Variants in BRF1 observed in about 807,000 individuals in gnomAD.
BRF1 encodes the protein BRF1 general transcription factor IIIB subunit.
BRF1 carries 59 observed loss-of-function variants against 81.7 expected under a neutral mutation model. The observed-to-expected ratio is 0.72, with a 90% CI of 0.59 to 0.90. BRF1 has a LOEUF of 0.90. Among genes scored for constraint, BRF1 ranks in the 40% least tolerant of loss-of-function variants. BRF1 has a pLI of 0.00. For missense variants in BRF1, 1,050 were observed against 936.3 expected (o/e 1.12, Z -1.58); for synonymous variants, 491 against 395.6 (o/e 1.24, Z -2.86).
chr14:105,279,912 G>T (rs1163900102), intron 2 of BRF1, among the ~76,000 whole-genome samples: 1 of 152,240 alleles, frequency 6.6e-6, no homozygotes, highest in Non-Finnish European at 1.5e-5. Context: ...GCACGTTCTA[G>T]AACGGCTCCA....
In BRF1 at chr14:105,229,001, G is replaced by C. The variant is rs12431703; in HGVS notation, c.695-88C>G. 7,713 of 1,212,490 alleles carry C rather than the reference G, an allele frequency of 6.4e-3. 436 individuals carry two copies. In the Admixed American group the frequency reaches 0.1, roughly 16 times the overall value. 75.1% of individuals were successfully genotyped at this position (1,212,490 alleles called of 1,614,324 possible). ...GCCCAGGACAACACTGCGGATCCCG[G>C]TCACGGAGATGATGGCCTGAGAAGA... On this transcript the variant is annotated intron_variant, in intron 6 of 17. Transcript: ENST00000547530.
intron 1 of BRF1, among the ~76,000 whole-genome samples, chr14:105,289,198 C>T (rs587661552): frequency 6.7e-4 from 101 of 151,826 alleles, no homozygotes; most frequent in African/African-American, 2.3e-3. Context: ...AAAAAATGAG[C>T]GGGGTATGGT....
chr14:105,248,983 CCGCGCCAG>C (rs2055367948), intron 5 of BRF1: 1 of 986,266 alleles, frequency 1.0e-6, no homozygotes, highest in African/African-American at 1.8e-5. Context: ...CCCAGCGCCC[CCGCGCCAG>C]CGCCGCCGCC....
At chr14:105,286,403 G>C (rs776683677) in intron 1 of BRF1, 27 bp from the exon 2 acceptor site, 8 of 1,600,970 alleles carry the variant, frequency 5.0e-6, no homozygotes, top group Non-Finnish European at 6.8e-6. Context: ...AGACAGATCA[G>C]CCAAAACTTG....
intron 15 of BRF1, among the ~76,000 whole-genome samples, chr14:105,215,223 C>T (rs1374666080): frequency 2.0e-5 from 3 of 151,826 alleles, no homozygotes; most frequent in Admixed American, 6.6e-5. Context: ...CACACACACA[C>T]GCCCCACGCA....
intron 6 of BRF1, among the ~76,000 whole-genome samples, chr14:105,229,664 C>T (rs60291663): frequency 0.034 from 4,833 of 141,826 alleles, 42 homozygotes; most frequent in African/African-American, 0.048. Context: ...CTGGCAGCCC[C>T]GTGGCACCCT....
intron 12 of BRF1, 47 bp downstream of exon 12, chr14:105,220,022 C>T (rs778540099): frequency 1.2e-5 from 19 of 1,601,950 alleles, no homozygotes; most frequent in Middle Eastern, 1.7e-4. Context: ...TGGGCTGCAG[C>T]GCCCTCCCAA....
chr14:105,241,830 A>G lies in BRF1; in HGVS notation c.545-416T>C, dbSNP rs925260640. On this transcript the variant is annotated intron_variant, in intron 5 of 17. Coordinates refer to ENST00000547530, the MANE Select transcript of BRF1 (RefSeq NM_001519.4). ...GTCGCCAGCCGGCCGGCATCAGCTG[A>G]CACTCATGGGTGAGAGGAGGGCCCA... is the stretch of plus-strand genomic sequence containing the variant. The G allele has an allele frequency of 5.7e-5, 13 of 229,140 alleles. No individual in the cohort carries two copies. The South Asian group carries it at 6.8e-4, about 12-fold the overall frequency. The allele number at this position is 229,140 out of a possible 1,614,324, so 14.2% of individuals were successfully genotyped here.
At chr14:105,300,423 C>T (rs2057960854) in intron 1 of BRF1, 23 bp downstream of exon 1, 2 of 1,506,110 alleles carry the variant, frequency 1.3e-6, no homozygotes, top group Non-Finnish European at 1.8e-6. Flanking sequence ...GAAATCCGCG[C>T]AGCGCCAGCC....
rs587607390 is a variant in BRF1, at chr14:105,209,538, G to A, written c.*1013C>T. 32 of 702,566 alleles carry A rather than the reference G, an allele frequency of 4.6e-5. No individual in the cohort carries two copies. The highest frequency in any genetic ancestry group is 3.1e-4 in the African/African-American group (18 of 57,362). 43.5% of individuals were successfully genotyped at this position (702,566 alleles called of 1,614,324 possible). Reference sequence around the variant, plus strand: ...TAAGGACACAGGGTGAAGCCCCCTCGGCCACATCCGGGGCAGCCATGCCAG... The same window carrying A: ...TAAGGACACAGGGTGAAGCCCCCTCAGCCACATCCGGGGCAGCCATGCCAG... On this transcript the variant is annotated 3_prime_UTR_variant, in exon 18 of 18. Coordinates refer to ENST00000547530, the MANE Select transcript of BRF1 (RefSeq NM_001519.4).
chr14:105,285,681 A>C (rs954052734), intron 2 of BRF1, among the ~76,000 whole-genome samples: 7 of 152,334 alleles, frequency 4.6e-5, no homozygotes, highest in African/African-American at 1.2e-4. Context: ...AGAATTTAAA[A>C]CTTTCATGCT....
rs1413370927 is a variant in BRF1, at chr14:105,269,359, A to G, written c.439+3362T>C. On this transcript the variant is annotated intron_variant, in intron 3 of 17. Transcript: ENST00000547530. The surrounding 1 kb of genome is among the most constrained non-coding windows in gnomAD (Gnocchi z 5.0). Reference sequence around the variant, plus strand: ...AGGGGATAGAGTGCGGCCTCCCGTGAGCACAGTCCTGTTCCAAGCTGTCTT... The same window carrying G: ...AGGGGATAGAGTGCGGCCTCCCGTGGGCACAGTCCTGTTCCAAGCTGTCTT... Among the ~76,000 whole-genome samples, 1 of 152,154 alleles carries G rather than the reference A, an allele frequency of 6.6e-6. No homozygotes were observed. The highest frequency in any genetic ancestry group is 1.5e-5 in the Non-Finnish European group (1 of 68,016).
rs2056568338 is a variant in BRF1 at position 105,269,512 on chromosome 14, T to C, written c.439+3209A>G. Reference sequence around the variant, plus strand: ...CACCAGGATCTAATTTTAGAATGCGTGGGGGACACGGGGTGGCTTCCTGGA... The same window carrying C: ...CACCAGGATCTAATTTTAGAATGCGCGGGGGACACGGGGTGGCTTCCTGGA... On this transcript the variant is annotated intron_variant, in intron 3 of 17. Coordinates refer to ENST00000547530, the MANE Select transcript of BRF1 (RefSeq NM_001519.4). The surrounding 1 kb of genome is among the most constrained non-coding windows in gnomAD (Gnocchi z 5.0). Among the ~76,000 whole-genome samples the C allele has an allele frequency of 6.6e-6, 1 of 152,022 alleles. No homozygotes were observed. The highest frequency in any genetic ancestry group is 2.1e-4 in the South Asian group (1 of 4,816).
At chr14:105,229,211 G>A (rs756468658) in intron 6 of BRF1, among the ~76,000 whole-genome samples, 15 of 152,240 alleles carry the variant, frequency 9.9e-5, no homozygotes, top group Non-Finnish European at 2.9e-5. Flanking sequence ...TAAGATGACT[G>A]TGCGGGAAAC....
rs2055417828 is a variant in BRF1 at position 105,249,291 on chromosome 14, C to G, written c.544+3216G>C. On this transcript the variant is annotated intron_variant, in intron 5 of 17. Transcript: ENST00000547530. ...TCTCGGAACGCGTGCCCCGTCCGCC[C>G]CGTCCGCCGTGTGGCTGACACGCAG... The G allele has an allele frequency of 9.6e-6, 15 of 1,570,644 alleles. No individual in the cohort carries two copies. The East Asian group carries it at 2.1e-4, about 22-fold the overall frequency.
intron 5 of BRF1, chr14:105,242,455 G>A (rs1237802249): frequency 6.6e-6 from 1 of 152,052 alleles, no homozygotes; most frequent in Non-Finnish European, 1.5e-5. Context: ...TATGCTCATA[G>A]GCTGGGCGCG....
At chr14:105,285,678 A>C (rs1168638335) in intron 2 of BRF1, among the ~76,000 whole-genome samples, 1 of 152,244 alleles carries the variant, frequency 6.6e-6, no homozygotes, top group African/African-American at 2.4e-5. Flanking sequence ...ATCAGAATTT[A>C]AAACTTTCAT....
chr14:105,259,192 C>T (rs765289679), intron 3 of BRF1, among the ~76,000 whole-genome samples: 30 of 152,128 alleles, frequency 2.0e-4, no homozygotes, highest in Non-Finnish European at 3.4e-4. Flanking sequence ...ACCCATAATC[C>T]CAGCACTTTA....
At position 105,228,923 on chromosome 14, in the gene BRF1, A is replaced by T; in HGVS notation, c.695-10T>A. ...GCTGCAACCAGGAGCGCTGGAAGGC[A>T]ACGAGACGGGCCTCGTCAACCACGG... On this transcript the variant is annotated splice_polypyrimidine_tract_variant and intron_variant, in intron 6 of 17. Transcript: ENST00000547530. 6.2e-7 allele frequency: 1 copy of T among 1,613,144 alleles called. No individual in the cohort carries two copies. The highest frequency in any genetic ancestry group is 8.5e-7 in the Non-Finnish European group (1 of 1,179,878).
Sources: allele counts gnomAD v4.1 joint callset (sites outside exome capture counted in the v4.1 genomes callset), GRCh38; gene constraint gnomAD v4.1.1; non-coding constraint Gnocchi (gnomAD v3.1); transcripts MANE v1.5; gene names NCBI Gene and HGNC (gene_info 2026-07-23, HGNC 2026-07-21).